SLC6A13: variants seen among roughly 807,000 people sequenced by gnomAD.
The protein encoded by SLC6A13 is solute carrier family 6 member 13.
Under a neutral mutation model 72.9 loss-of-function variants are expected in SLC6A13, and 69 were observed. The ratio of observed to expected loss-of-function variants is 0.95; its 90% CI spans 0.78 to 1.16. The LOEUF (loss-of-function observed/expected upper bound fraction) is 1.16, where lower values mean the gene tolerates loss of function less well. Among genes scored for constraint, SLC6A13 ranks in the 50% most tolerant of loss-of-function variants. SLC6A13 has a pLI of 0.00. For missense variants in SLC6A13, 735 were observed against 760.5 expected, an observed-to-expected ratio of 0.97 and a Z score of 0.39; for synonymous variants, 303 against 303.0, an observed-to-expected ratio of 1.00 and a Z score of 0.00.
intron 10 of SLC6A13, 117 bp from the exon 11 acceptor site, chr12:224,246 T>C (rs1409314177): frequency 7.6e-6 from 11 of 1,451,774 alleles, no homozygotes; most frequent in Non-Finnish European, 1.0e-5. Flanking sequence ...TCAGGTCCCC[T>C]GAGCTATTGT....
intron 3 of SLC6A13, among the ~76,000 whole-genome samples, chr12:243,213 C>T (rs889696468): frequency 6.6e-6 from 1 of 152,116 alleles, no homozygotes; most frequent in Non-Finnish European, 1.5e-5. Context: ...TTTAGTTTCA[C>T]CATGTTGGCC....
chr12:250,656 G>T (rs911019868), intron 2 of SLC6A13, among the ~76,000 whole-genome samples: 1 of 151,964 alleles, frequency 6.6e-6, no homozygotes, highest in African/African-American at 2.4e-5. Flanking sequence ...TAAATAAATG[G>T]AGAGTCATAC....
At chr12:227,142 C>T (rs1032154718) in intron 8 of SLC6A13, among the ~76,000 whole-genome samples, 3 of 152,180 alleles carry the variant, frequency 2.0e-5, no homozygotes, top group Non-Finnish European at 4.4e-5. Context: ...GACCTCACTT[C>T]ACATCATGGA....
rs757897785 is a variant in SLC6A13 at position 227,560 on chromosome 12, A to G, written c.935+5T>C. The G allele has an allele frequency of 1.1e-5, 17 of 1,613,754 alleles. No individual in the cohort carries two copies. Among genetic ancestry groups the G allele is most frequent in the Middle Eastern group, 1.7e-4 (1 of 5,962 alleles). ...GTGTGGCTCAGGCCCCACGCCCCCA[A>G]TCACCTGTAGCAGTTGTTGTGGTAC... On this transcript the variant is annotated splice_donor_5th_base_variant and intron_variant, in intron 8 of 14. Transcript: ENST00000343164.
intron 7 of SLC6A13, among the ~76,000 whole-genome samples, chr12:234,676 C>A (rs1941853570): frequency 6.6e-6 from 1 of 152,064 alleles, no homozygotes; most frequent in Non-Finnish European, 1.5e-5. Flanking sequence ...TGCCACTACA[C>A]CCGGCTAATT....
At chr12:224,588 G>A (rs1941362755) in intron 9 of SLC6A13, 75 bp from the exon 10 acceptor site, 1 of 1,180,272 alleles carries the variant, frequency 8.5e-7, no homozygotes, top group African/African-American at 1.5e-5. Flanking sequence ...TGGCTTCCCA[G>A]CGTGGGGCCA....
In SLC6A13 at chr12:242,769, C is replaced by T; in HGVS notation, c.338-15G>A. Reference sequence around the variant, plus strand: ...ATAGCCAATGCCTGCGGGGAAACTGCAGAATTGGGCTAGGAACGGTGGACA... The same window carrying T: ...ATAGCCAATGCCTGCGGGGAAACTGTAGAATTGGGCTAGGAACGGTGGACA... On this transcript the variant is annotated splice_polypyrimidine_tract_variant and intron_variant, in intron 3 of 14. Coordinates refer to ENST00000343164, the MANE Select transcript of SLC6A13 (RefSeq NM_016615.5). The T allele has an allele frequency of 6.4e-7, 1 of 1,568,188 alleles. No individual in the cohort carries two copies. Among genetic ancestry groups the T allele is most frequent in the Non-Finnish European group, 8.7e-7 (1 of 1,155,870 alleles).
At chr12:253,921 G>A (rs1942647483) in intron 2 of SLC6A13, among the ~76,000 whole-genome samples, 1 of 152,254 alleles carries the variant, frequency 6.6e-6, no homozygotes, top group Admixed American at 6.5e-5. Flanking sequence ...TAGAAATTAA[G>A]TGAAAATGTT....
rs773646409 is a variant in SLC6A13 at position 224,080 on chromosome 12, T to G, written c.1223A>C (p.His408Pro). 2 of 1,614,086 alleles carry G rather than the reference T, an allele frequency of 1.2e-6. No homozygotes were observed. The highest frequency in any genetic ancestry group is 3.3e-5 in the Admixed American group (2 of 60,014). ...CCTCCGGTTCTTCTTGCGGAACACG[T>G]GAGGGTACATGTCCACCAGCGCTGT... ...LVTALVDMYP[H>P]VFRKKNRREV... is the part of the protein sequence containing the mutation. Residue 408 changes from histidine (H) to proline (P), a missense_variant, in exon 11 of 15, where the codon CAC becomes CCC. His to Pro is a moderately conservative substitution (Grantham distance 77, BLOSUM62 -2). Transcript: ENST00000343164.
At chr12:251,787 TA>T (rs1565507065) in intron 2 of SLC6A13, among the ~76,000 whole-genome samples, 1 of 145,362 alleles carries the variant, frequency 6.9e-6, no homozygotes, top group Non-Finnish European at 1.5e-5. Context: ...ACCTCGTCTC[TA>T]CCAAAAAAAA....
intron 4 of SLC6A13, among the ~76,000 whole-genome samples, chr12:240,696 A>C (rs913111883): frequency 6.6e-6 from 1 of 152,276 alleles, no homozygotes; most frequent in Non-Finnish European, 1.5e-5. Flanking sequence ...GTGCAGGAGC[A>C]GGGCCGGGGC....
chr12:257,558 G>T (rs3782857), intron 2 of SLC6A13, among the ~76,000 whole-genome samples: 1,816 of 152,208 alleles, frequency 0.012, 34 homozygotes, highest in East Asian at 0.059. Context: ...TGGAAGGCAG[G>T]CTCTACCCAG....
At position 226,490 on chromosome 12, in the gene SLC6A13, G is replaced by A. The variant is rs41300044; in HGVS notation, c.960C>T (p.Leu320=). Residue 320 remains leucine (L), a synonymous_variant, in exon 9 of 15, where the codon CTC becomes CTT. Coordinates refer to ENST00000343164, the MANE Select transcript of SLC6A13 (RefSeq NM_016615.5). The stretch of plus-strand genomic sequence containing the variant: ...CGGCCACAAAGCTGGTGCCGCTGTT[G>A]AGGAAGCAGAGGGCGATGCAGTCCC... The part of the protein sequence containing the change: ...CYRDCIALCF[L]NSGTSFVAGF... 3.5e-5 allele frequency: 56 copies of A among 1,613,894 alleles called. 1 individual carries two copies. Among genetic ancestry groups the A allele is most frequent in the Admixed American group, 1.7e-4 (10 of 60,004 alleles).
intron 11 of SLC6A13, 69 bp from the exon 12 acceptor site, chr12:223,303 C>A: frequency 1.0e-6 from 1 of 966,232 alleles, no homozygotes; most frequent in Non-Finnish European, 1.6e-6. Flanking sequence ...CTCCTATGCC[C>A]TTTAGCTTCA....
At position 252,368 on chromosome 12, in the gene SLC6A13, G is replaced by A. The variant is rs77662983; in HGVS notation, c.202+7483C>T. On this transcript the variant is annotated intron_variant, in intron 2 of 14. Transcript: ENST00000343164. ...GAAGTTGGGAGGAAGGAATTAGAAAGAGACAGGAGTAACTGTTTTGGAAGT... is the reference window on the plus strand; with the variant it reads ...GAAGTTGGGAGGAAGGAATTAGAAAAAGACAGGAGTAACTGTTTTGGAAGT... 7.4e-3 allele frequency among the ~76,000 whole-genome samples: 1,134 copies of A among 152,336 alleles called. 9 individuals carry two copies. The highest frequency in any genetic ancestry group is 0.025 in the African/African-American group (1,047 of 41,568).
intron 2 of SLC6A13, among the ~76,000 whole-genome samples, chr12:244,930 T>C (rs1410759935): frequency 6.6e-6 from 1 of 152,200 alleles, no homozygotes; most frequent in Non-Finnish European, 1.5e-5. Context: ...TCTCCTTCTG[T>C]TTTTATAAGC....
chr12:256,302 GAC>G (rs1262511836), intron 2 of SLC6A13, among the ~76,000 whole-genome samples: 2 of 152,144 alleles, frequency 1.3e-5, no homozygotes, highest in Admixed American at 1.3e-4. Context: ...GCTGGTGAAT[GAC>G]ACAGGCTCAG....
chr12:224,316 C>A (rs1941348376), intron 10 of SLC6A13, 85 bp downstream of exon 10: 2 of 1,369,224 alleles, frequency 1.5e-6, no homozygotes, highest in South Asian at 1.2e-5. Context: ...AGGGCATCCA[C>A]TTCTGACATT....
rs544521790 is a variant in SLC6A13, at chr12:227,789, C to T, written c.832-121G>A. 3.6e-5 allele frequency: 29 copies of T among 797,102 alleles called. No homozygotes were observed. The African/African-American group carries it at 3.7e-4, about 10-fold the overall frequency. 49.4% of individuals were successfully genotyped at this position (797,102 alleles called of 1,614,324 possible). On this transcript the variant is annotated intron_variant, in intron 7 of 14. Coordinates refer to ENST00000343164, the MANE Select transcript of SLC6A13 (RefSeq NM_016615.5). ...CTAGGGATGGCGAGAAACCTGTTCTCAGCCAACACTTGCATCCTGCTACCT... is the reference window on the plus strand; with the variant it reads ...CTAGGGATGGCGAGAAACCTGTTCTTAGCCAACACTTGCATCCTGCTACCT...
Sources: allele counts gnomAD v4.1 joint callset (sites outside exome capture counted in the v4.1 genomes callset), GRCh38; gene constraint gnomAD v4.1.1; transcripts MANE v1.5; gene names NCBI Gene and HGNC (gene_info 2026-07-23, HGNC 2026-07-21).